The following IP6K3 variants were observed in gnomAD, a reference collection of about 807,000 sequenced individuals.
The protein encoded by IP6K3 is inositol hexakisphosphate kinase 3, also known as ATP:1D-myo-inositol-hexakisphosphate phosphotransferase.
IP6K3 carries 20 observed loss-of-function variants against 28.8 expected under a neutral mutation model. The observed-to-expected ratio is 0.70, with a 90% confidence interval of 0.49 to 1.01. The LOEUF (loss-of-function observed/expected upper bound fraction) is 1.01. Among genes scored for constraint, IP6K3 ranks in the 50% least tolerant of loss-of-function variants. The pLI is 0.00. For missense variants in IP6K3, 480 were observed against 537.1 expected (o/e 0.89, Z 1.05); for synonymous variants, 213 against 221.3 (o/e 0.96, Z 0.33).
At chr6:33,754,580 C>T in the IP6K3 span, among the ~76,000 whole-genome samples, 25 of 152,182 alleles carry the variant, frequency 1.6e-4, 3 homozygotes, top group Non-Finnish European at 8.8e-5. Context: ...GCTGAAGCTG[C>T]TATCCATCCT....
chr6:33,740,281 C>T (rs557463363), intron 1 of IP6K3, among the ~76,000 whole-genome samples: 1 of 152,344 alleles, frequency 6.6e-6, no homozygotes, highest in East Asian at 1.9e-4. Flanking sequence ...ACTCCTGCCA[C>T]CACCAGGAAG....
chr6:33,746,282 C>T lies in IP6K3; in HGVS notation c.-180+476G>A, dbSNP rs1331563442. Among the ~76,000 whole-genome samples, 2 of 152,194 alleles carry T rather than the reference C, an allele frequency of 1.3e-5. No individual in the cohort carries two copies. Among genetic ancestry groups the T allele is most frequent in the African/African-American group, 4.8e-5 (2 of 41,438 alleles). ...CTGGTGCCGGCCTCCTGCCCCCTCC[C>T]GTGGAAAGCTGGGGCTGCTGGGCTA... On this transcript the variant is annotated intron_variant, in intron 1 of 5. Coordinates refer to ENST00000293756, the MANE Select transcript of IP6K3 (RefSeq NM_054111.5). The surrounding 1 kb of genome is among the most constrained non-coding windows in gnomAD (Gnocchi z 6.5).
chr6:33,757,635 A>G, the IP6K3 span, among the ~76,000 whole-genome samples: 1 of 152,204 alleles, frequency 6.6e-6, no homozygotes, highest in African/African-American at 2.4e-5. Context: ...GGGATTTATA[A>G]TAAGAAATCA....
the IP6K3 span, among the ~76,000 whole-genome samples, chr6:33,754,010 C>T: frequency 1.3e-5 from 2 of 151,938 alleles, no homozygotes; most frequent in Admixed American, 6.6e-5. Flanking sequence ...GGGGTTTCAC[C>T]GTGTTAGCCA....
intron 2 of IP6K3, among the ~76,000 whole-genome samples, chr6:33,728,648 C>G (rs1766211530): frequency 6.6e-6 from 1 of 152,236 alleles, no homozygotes; most frequent in East Asian, 1.9e-4. Flanking sequence ...CCCAGTCACA[C>G]CACAGCCAAC....
Position 33,746,345 on chromosome 6 carries a change from G to A in IP6K3, c.-180+413C>T, listed in dbSNP as rs528952353. 8.5e-5 allele frequency among the ~76,000 whole-genome samples: 13 copies of A among 152,204 alleles called. No individual in the cohort carries two copies. In the South Asian group the frequency reaches 1.2e-3, roughly 15 times the overall value. On this transcript the variant is annotated intron_variant, in intron 1 of 5. Coordinates refer to ENST00000293756, the MANE Select transcript of IP6K3 (RefSeq NM_054111.5). The surrounding 1 kb of genome is among the most constrained non-coding windows in gnomAD (Gnocchi z 6.5). Reference sequence around the variant, plus strand: ...CCTGTGCCCAGGGGATGCTGCCCGCGTTTCTTGGACACCGGCCTCTGTTAA... The same window carrying A: ...CCTGTGCCCAGGGGATGCTGCCCGCATTTCTTGGACACCGGCCTCTGTTAA...
At chr6:33,748,617 G>A (rs1346191061), upstream of IP6K3, among the ~76,000 whole-genome samples, 4 of 146,326 alleles carry the variant, frequency 2.7e-5, no homozygotes, top group African/African-American at 1.0e-4. Context: ...CGCTCCAGCT[G>A]GGCGACACAG....
intron 2 of IP6K3, among the ~76,000 whole-genome samples, chr6:33,734,478 A>G (rs1171953946): frequency 6.6e-6 from 1 of 152,234 alleles, no homozygotes; most frequent in East Asian, 1.9e-4. Flanking sequence ...TTTGACAATG[A>G]GGGCAGCAGC....
rs377337077 is a variant in IP6K3 at position 33,736,401 on chromosome 6, GCTTT to G, written c.-179-750_-179-747del. The stretch of plus-strand genomic sequence containing the variant: ...TGGGTACGGGAGTGCTTGCTTGCTT[GCTTT>G]ATTTATTTATTTATTTAGAGACAGA... On this transcript the variant is annotated intron_variant, in intron 1 of 5. Transcript: ENST00000293756. Among the ~76,000 whole-genome samples, 159 of 151,678 alleles carry G rather than the reference GCTTT, an allele frequency of 1.0e-3. 1 individual carries two copies. The highest frequency in any genetic ancestry group is 3.6e-3 in the African/African-American group (149 of 41,376).
chr6:33,758,663 G>A, the IP6K3 span, among the ~76,000 whole-genome samples: 1 of 152,134 alleles, frequency 6.6e-6, no homozygotes, highest in Admixed American at 6.5e-5. Context: ...GCAGTGGCGC[G>A]AACTTGGCTA....
intron 3 of IP6K3, 36 bp from the exon 4 acceptor site, chr6:33,726,942 A>G (rs1467228207): frequency 6.5e-7 from 1 of 1,538,014 alleles, no homozygotes; most frequent in East Asian, 2.4e-5. Flanking sequence ...GTCAGAGCAG[A>G]GGTCTGGGGA....
In IP6K3 at chr6:33,724,003, G is replaced by C. The variant is rs577510713; in HGVS notation, c.766-816C>G. On this transcript the variant is annotated intron_variant, in intron 5 of 5. Coordinates refer to ENST00000293756, the MANE Select transcript of IP6K3 (RefSeq NM_054111.5). ...CAGCAGTGGGCATGGCCGGGGGGGG[G>C]TGGCACCCCTCTGCCTGGCATACCT... Among the ~76,000 whole-genome samples, 96 of 152,062 alleles carry C rather than the reference G, an allele frequency of 6.3e-4. 1 individual carries two copies. Among genetic ancestry groups the C allele is most frequent in the Non-Finnish European group, 1.0e-3 (71 of 68,006 alleles).
chr6:33,736,522 A>G (rs1361632886), intron 1 of IP6K3, among the ~76,000 whole-genome samples: 1 of 152,160 alleles, frequency 6.6e-6, no homozygotes. Context: ...CTCCTGCCTC[A>G]GGCTCCCGAG....
intron 2 of IP6K3, among the ~76,000 whole-genome samples, chr6:33,733,535 G>A (rs796137230): frequency 6.6e-6 from 1 of 152,272 alleles, no homozygotes; most frequent in Non-Finnish European, 1.5e-5. Context: ...TGGAGCAAGC[G>A]TGAAATGGTG....
intron 5 of IP6K3, 117 bp downstream of exon 5, chr6:33,725,324 G>T: frequency 2.0e-6 from 2 of 1,015,042 alleles, no homozygotes; most frequent in Non-Finnish European, 2.8e-6. Flanking sequence ...CTCCTCTGTG[G>T]CTCCTCCAGA....
upstream of IP6K3, among the ~76,000 whole-genome samples, chr6:33,747,372 G>A (rs1329011394): frequency 6.6e-6 from 1 of 152,152 alleles, no homozygotes; most frequent in Non-Finnish European, 1.5e-5. This position sits in a 1 kb window ranked among gnomAD's most constrained non-coding sequence, Gnocchi z 5.2. Flanking sequence ...GTTAGACTGA[G>A]GACAATCAGG....
chr6:33,740,830 G>A (rs1766694407), intron 1 of IP6K3, among the ~76,000 whole-genome samples: 1 of 152,224 alleles, frequency 6.6e-6, no homozygotes, highest in African/African-American at 2.4e-5. Context: ...TTTTAGGGAA[G>A]GTGGCAGACG....
rs2127366800 is a variant in IP6K3, at chr6:33,744,607, T to C, written c.-180+2151A>G. Among the ~76,000 whole-genome samples, 1 of 152,192 alleles carries C rather than the reference T, an allele frequency of 6.6e-6. No homozygotes were observed. The highest frequency in any genetic ancestry group is 6.5e-5 in the Admixed American group (1 of 15,294). On this transcript the variant is annotated intron_variant, in intron 1 of 5. Transcript: ENST00000293756. This position sits in a 1 kb window ranked among gnomAD's most constrained non-coding sequence, Gnocchi z 4.4. ...CACACACGTTGAGGCCCCAAATGCC[T>C]GAGAGGGATTAACTGGAAACTAAAG...
chr6:33,754,432 C>T, the IP6K3 span, among the ~76,000 whole-genome samples: 13 of 152,272 alleles, frequency 8.5e-5, no homozygotes, highest in East Asian at 2.5e-3. Context: ...TCCTTCAGGG[C>T]CGCTAAAGTA....
Sources: gnomAD v4.1 joint callset for allele counts (sites outside exome capture counted in the v4.1 genomes callset) on GRCh38, gnomAD v4.1.1 for gene constraint, Gnocchi (gnomAD v3.1) non-coding constraint, MANE v1.5 for transcripts, NCBI Gene and HGNC (gene_info 2026-07-23, HGNC 2026-07-21) for gene names.